WFDC8: variants seen among roughly 807,000 people sequenced by gnomAD.
WFDC8 encodes WAP four-disulfide core domain protein 8.
Under a neutral mutation model 27.0 loss-of-function variants are expected in WFDC8, and 24 were observed. The ratio of observed to expected loss-of-function variants is 0.89; its 90% CI spans 0.64 to 1.25. The LOEUF is 1.25. Ranked by LOEUF, WFDC8 falls within the 50% of genes most tolerant of loss-of-function variation. The probability of loss-of-function intolerance (pLI) is 0.00; values close to 1 mark genes in which losing one functional copy is unlikely to be tolerated. For missense variants in WFDC8, 287 were observed against 295.9 expected, an observed-to-expected ratio of 0.97 and a Z score of 0.22; for synonymous variants, 106 against 99.7, an observed-to-expected ratio of 1.06 and a Z score of -0.38.
chr20:45,563,462 G>C (rs1162016291), intron 1 of WFDC8, among the ~76,000 whole-genome samples: 1 of 152,138 alleles, frequency 6.6e-6, no homozygotes, highest in African/African-American at 2.4e-5. Context: ...GTGTGGCCTG[G>C]GTTCAGTCAC....
intron 1 of WFDC8, among the ~76,000 whole-genome samples, chr20:45,573,657 T>C (rs1265148881): frequency 6.6e-6 from 1 of 152,200 alleles, no homozygotes; most frequent in East Asian, 1.9e-4. Context: ...GGCTGAGTGG[T>C]GTATATATAC....
At chr20:45,553,305 A>G (rs1980113608) in intron 4 of WFDC8, 29 bp from the exon 5 acceptor site, 1 of 1,600,728 alleles carries the variant, frequency 6.2e-7, no homozygotes, top group African/African-American at 1.3e-5. Flanking sequence ...TGAGCTTCTT[A>G]AAACCCCACC....
At chr20:45,563,172 T>A (rs1468164157) in intron 1 of WFDC8, among the ~76,000 whole-genome samples, 1 of 152,132 alleles carries the variant, frequency 6.6e-6, no homozygotes, top group African/African-American at 2.4e-5. Context: ...CTCTTCAAAT[T>A]TTACAATAGT....
chr20:45,567,415 C>A (rs1339472889), intron 1 of WFDC8, among the ~76,000 whole-genome samples: 1 of 152,176 alleles, frequency 6.6e-6, no homozygotes, highest in Non-Finnish European at 1.5e-5. Flanking sequence ...AATTAACACG[C>A]TTACATACAC....
chr20:45,561,322 A>G (rs1980461355), intron 2 of WFDC8, among the ~76,000 whole-genome samples: 1 of 152,106 alleles, frequency 6.6e-6, no homozygotes. Context: ...CTCTATTCCA[A>G]ACTAAAGACT....
At chr20:45,568,988 T>C (rs895723140) in intron 1 of WFDC8, among the ~76,000 whole-genome samples, 4 of 152,236 alleles carry the variant, frequency 2.6e-5, no homozygotes, top group Admixed American at 1.3e-4. Context: ...AGCTTCTATG[T>C]AGGTATCAAG....
intron 1 of WFDC8, among the ~76,000 whole-genome samples, chr20:45,573,346 G>T (rs1980934584): frequency 6.6e-6 from 1 of 152,014 alleles, no homozygotes; most frequent in Admixed American, 6.6e-5. Context: ...ATGGTTTTTG[G>T]TTACATGAAT....
intron 1 of WFDC8, among the ~76,000 whole-genome samples, chr20:45,565,444 A>T (rs1053958722): frequency 6.6e-6 from 1 of 152,138 alleles, no homozygotes; most frequent in East Asian, 1.9e-4. Context: ...CCTGAAGTTG[A>T]TTTACTTGAC....
rs1277389094 is a variant in WFDC8, at chr20:45,555,419, T to TTTCG, written c.445+278_445+281dup. On this transcript the variant is annotated intron_variant, in intron 4 of 5. Coordinates refer to ENST00000289953, the MANE Select transcript of WFDC8 (RefSeq NM_130896.3). ...CTTCTTCCAAGGGGGCACACCTGGCTTTCGGGTCACATTGGCCAAGATCTA... is the reference window on the plus strand; with the variant it reads ...CTTCTTCCAAGGGGGCACACCTGGCTTTCGTTCGGGTCACATTGGCCAAGATCTA... Among the ~76,000 whole-genome samples, 3 of 152,222 alleles carry TTTCG rather than the reference T, an allele frequency of 2.0e-5. No homozygotes were observed. The East Asian group carries it at 5.8e-4, about 29-fold the overall frequency.
intron 1 of WFDC8, among the ~76,000 whole-genome samples, chr20:45,572,442 A>G (rs1398141345): frequency 1.3e-5 from 2 of 150,844 alleles, no homozygotes; most frequent in Non-Finnish European, 2.9e-5. Flanking sequence ...CCACATCCTC[A>G]TCAACACTTG....
intron 1 of WFDC8, among the ~76,000 whole-genome samples, chr20:45,576,615 C>G (rs1310817734): frequency 6.6e-6 from 1 of 151,348 alleles, no homozygotes; most frequent in Non-Finnish European, 1.5e-5. Flanking sequence ...CTAGGCTGGT[C>G]TTGAACTCCT....
chr20:45,567,666 T>C (rs1600896185), intron 1 of WFDC8, among the ~76,000 whole-genome samples: 1 of 152,156 alleles, frequency 6.6e-6, no homozygotes, highest in African/African-American at 2.4e-5. Flanking sequence ...AAAGCCACTC[T>C]CCACCGCCAC....
chr20:45,553,194 G>T lies in WFDC8; in HGVS notation c.528C>A (p.Pro176=), dbSNP rs781728019. 6.2e-7 allele frequency: 1 copy of T among 1,613,812 alleles called. No individual in the cohort carries two copies. The highest frequency in any genetic ancestry group is 1.7e-5 in the Admixed American group (1 of 59,994). ...PPSCHSDIDC[P]QTDKCCESRC... ...TGGATTCACAACATTTGTCTGTCTG[G>T]GGACAATCGATGTCACTGTGACATG... is the stretch of plus-strand genomic sequence containing the variant. The change falls in exon 5 of 6, where the codon CCC becomes CCA. Residue 176 remains proline (P), a synonymous_variant. Transcript: ENST00000289953.
chr20:45,561,655 C>G (rs915728516), intron 2 of WFDC8, among the ~76,000 whole-genome samples: 1 of 152,060 alleles, frequency 6.6e-6, no homozygotes, highest in East Asian at 1.9e-4. Flanking sequence ...TGTCTCTTCT[C>G]AACTACTGCA....
intron 1 of WFDC8, 66 bp downstream of exon 1, chr20:45,579,156 C>T: frequency 1.3e-6 from 2 of 1,520,870 alleles, no homozygotes; most frequent in Non-Finnish European, 1.8e-6. Context: ...TCTATGTATC[C>T]TCCTCATCTC....
rs548344170 is a variant in WFDC8 at position 45,573,619 on chromosome 20, CA to C, written c.26+5602del. On this transcript the variant is annotated intron_variant, in intron 1 of 5. Coordinates refer to ENST00000289953, the MANE Select transcript of WFDC8 (RefSeq NM_130896.3). Reference sequence around the variant, plus strand: ...GCCTCCAGCTCCATCCAAGTTGCTGCAAAAGACATTATTTCATTATTTTTTA... The same window carrying C: ...GCCTCCAGCTCCATCCAAGTTGCTGCAAAGACATTATTTCATTATTTTTTA... Among the ~76,000 whole-genome samples, 929 of 152,224 alleles carry C rather than the reference CA, an allele frequency of 6.1e-3. 9 individuals carry two copies. Among genetic ancestry groups the C allele is most frequent in the African/African-American group, 0.022 (895 of 41,514 alleles).
rs552666283 is a variant in WFDC8 at position 45,572,998 on chromosome 20, G to A, written c.26+6224C>T. On this transcript the variant is annotated intron_variant, in intron 1 of 5. Coordinates refer to ENST00000289953, the MANE Select transcript of WFDC8 (RefSeq NM_130896.3). ...CTTACTATCAAGTAAATGGAGTGCC[G>A]TATATATTTTGAATATTAACCCCTC... Among the ~76,000 whole-genome samples, 7 of 152,316 alleles carry A rather than the reference G, an allele frequency of 4.6e-5. 1 individual carries two copies. The highest frequency in any genetic ancestry group is 3.9e-4 in the East Asian group (2 of 5,188).
chr20:45,572,194 GA>G (rs944044377), intron 1 of WFDC8, among the ~76,000 whole-genome samples: 3 of 151,944 alleles, frequency 2.0e-5, no homozygotes, highest in African/African-American at 7.3e-5. Flanking sequence ...TCAGGAGATT[GA>G]GACCATCCTG....
chr20:45,568,333 G>A, intron 1 of WFDC8: 1 of 245,856 alleles, frequency 4.1e-6, no homozygotes, highest in South Asian at 5.8e-5. Context: ...CTTCATAAGT[G>A]TCTCAGAGAA....
Sources: gnomAD v4.1 joint callset for allele counts (sites outside exome capture counted in the v4.1 genomes callset) on GRCh38, gnomAD v4.1.1 for gene constraint, MANE v1.5 for transcripts, NCBI Gene and HGNC (gene_info 2026-07-23, HGNC 2026-07-21) for gene names.